ARB2A: variants seen among roughly 807,000 people sequenced by gnomAD.
The protein encoded by ARB2A is ARB2 cotranscriptional regulator A, also known as cotranscriptional regulator ARB2A.
the ARB2A span, among the ~76,000 whole-genome samples, chr5:94,071,635 A>G: frequency 3.3e-5 from 5 of 152,158 alleles, no homozygotes; most frequent in African/African-American, 9.6e-5. Context: ...GCACATGAAA[A>G]GATGTATGGT....
chr5:93,883,924 T>TACACACACACACACACAC, the ARB2A span, among the ~76,000 whole-genome samples: 33 of 133,864 alleles, frequency 2.5e-4, no homozygotes, highest in Non-Finnish European at 4.4e-4. Context: ...CACATACACA[T>TACACACACACACACACAC]ACACACACAC....
the ARB2A span, chr5:93,863,866 T>C: frequency 6.6e-6 from 1 of 152,124 alleles, no homozygotes; most frequent in East Asian, 1.9e-4. Context: ...TTTTAAAATT[T>C]TTTGTTTTAG....
chr5:93,886,917 A>C, the ARB2A span, among the ~76,000 whole-genome samples: 4 of 151,834 alleles, frequency 2.6e-5, no homozygotes, highest in African/African-American at 9.7e-5. Flanking sequence ...AAATACCATA[A>C]TATGGACCAA....
chr5:93,779,377 ATACT>A, the ARB2A span, among the ~76,000 whole-genome samples: 1 of 152,140 alleles, frequency 6.6e-6, no homozygotes, highest in African/African-American at 2.4e-5. Flanking sequence ...TGCTTTTCTA[ATACT>A]TACGTGTCCC....
the ARB2A span, among the ~76,000 whole-genome samples, chr5:93,778,801 C>G: frequency 6.6e-6 from 1 of 152,112 alleles, no homozygotes; most frequent in African/African-American, 2.4e-5. Context: ...TTACAGTATG[C>G]AGAGGATTAA....
At chr5:93,850,228 CT>C in the ARB2A span, among the ~76,000 whole-genome samples, 1 of 152,132 alleles carries the variant, frequency 6.6e-6, no homozygotes, top group African/African-American at 2.4e-5. Flanking sequence ...AAAAATAGAT[CT>C]TAGGCCTAAA....
the ARB2A span, among the ~76,000 whole-genome samples, chr5:93,883,980 T>G: frequency 7.0e-6 from 1 of 142,644 alleles, no homozygotes; most frequent in African/African-American, 2.6e-5. Context: ...CCTCTCATAC[T>G]CAGGAGTTAA....
the ARB2A span, among the ~76,000 whole-genome samples, chr5:93,943,285 C>G: frequency 1.3e-5 from 2 of 152,000 alleles, no homozygotes; most frequent in Non-Finnish European, 2.9e-5. Flanking sequence ...ATTTGCCAAT[C>G]TGATATGTTG....
chr5:93,676,226 T>G, the ARB2A span, among the ~76,000 whole-genome samples: 1 of 151,684 alleles, frequency 6.6e-6, no homozygotes, highest in African/African-American at 2.4e-5. Flanking sequence ...AGTACAAGTA[T>G]CAAGAAAAAA....
chr5:94,105,027 A>G, the ARB2A span, among the ~76,000 whole-genome samples: 2 of 152,080 alleles, frequency 1.3e-5, no homozygotes. Context: ...ACAAATCCAC[A>G]GCAAACATCA....
chr5:93,722,665 C>T, the ARB2A span, among the ~76,000 whole-genome samples: 389 of 152,138 alleles, frequency 2.6e-3, 2 homozygotes, highest in Non-Finnish European at 4.6e-3. Context: ...GTTGGTATCA[C>T]ATAAGAGAAG....
chr5:93,658,239 G>A, the ARB2A span, among the ~76,000 whole-genome samples: 2 of 152,064 alleles, frequency 1.3e-5, no homozygotes, highest in Non-Finnish European at 2.9e-5. Flanking sequence ...CAAAAATGTG[G>A]TTAAGACAAT....
the ARB2A span, among the ~76,000 whole-genome samples, chr5:93,629,439 C>A: frequency 6.6e-6 from 1 of 151,968 alleles, no homozygotes; most frequent in Non-Finnish European, 1.5e-5. Flanking sequence ...TTGCTTGACA[C>A]AGGGTTGCTG....
the ARB2A span, chr5:94,050,814 T>C: frequency 2.5e-6 from 4 of 1,611,664 alleles, no homozygotes; most frequent in Admixed American, 1.7e-5. Flanking sequence ...CCAGTTTTTA[T>C]GTGTCTTAAC....
chr5:93,684,622 T>G, the ARB2A span, among the ~76,000 whole-genome samples: 1 of 152,214 alleles, frequency 6.6e-6, no homozygotes, highest in East Asian at 1.9e-4. Flanking sequence ...GTAAAAAATT[T>G]TAAAGCACAA....
the ARB2A span, among the ~76,000 whole-genome samples, chr5:93,731,641 C>T: frequency 1.3e-4 from 20 of 152,266 alleles, no homozygotes; most frequent in Admixed American, 3.9e-4. Context: ...TAAAGCAGAT[C>T]TAGGAACATT....
At chr5:93,621,271 C>T in the ARB2A span, 1 of 683,178 alleles carries the variant, frequency 1.5e-6, no homozygotes, top group East Asian at 5.4e-5. Context: ...CCGCCTCAGC[C>T]GCCCGCGCCC....
chr5:93,805,423 T>C, the ARB2A span: 1 of 985,108 alleles, frequency 1.0e-6, no homozygotes, highest in Non-Finnish European at 1.2e-6. Context: ...CAGAAATGTT[T>C]AGAGTGTAAG....
At chr5:93,617,878 G>C in the ARB2A span, among the ~76,000 whole-genome samples, 2 of 152,150 alleles carry the variant, frequency 1.3e-5, no homozygotes, top group Non-Finnish European at 2.9e-5. Flanking sequence ...AAAGGTGCAA[G>C]CCAAATAGTG....
Sources: allele counts gnomAD v4.1 joint callset (sites outside exome capture counted in the v4.1 genomes callset), GRCh38; gene constraint gnomAD v4.1.1; transcripts MANE v1.5; gene names NCBI Gene and HGNC (gene_info 2026-07-23, HGNC 2026-07-21).